PRR5L: variants seen among roughly 807,000 people sequenced by gnomAD.
The protein encoded by PRR5L is proline rich 5 like.
PRR5L carries 21 observed loss-of-function variants against 36.4 expected under a neutral mutation model. That is an observed-to-expected ratio of 0.58 (90% CI 0.41 to 0.83). The LOEUF (loss-of-function observed/expected upper bound fraction) is 0.83, where lower values mean the gene tolerates loss of function less well. Ranked by LOEUF, PRR5L falls within the 40% of genes least tolerant of loss-of-function variation. PRR5L has a pLI of 0.00. For synonymous variants in PRR5L, 188 were observed against 197.0 expected (o/e 0.95, Z 0.38); for missense variants, 381 against 473.3 (o/e 0.80, Z 1.81).
At chr11:36,452,077 TATA>T (rs1252758492) in intron 8 of PRR5L, among the ~76,000 whole-genome samples, 1 of 152,020 alleles carries the variant, frequency 6.6e-6, no homozygotes, top group South Asian at 2.1e-4. Flanking sequence ...TTCCAATAAT[TATA>T]ATAATAAAAA....
At chr11:36,453,211 C>G (rs1858980495) in intron 8 of PRR5L, among the ~76,000 whole-genome samples, 1 of 152,202 alleles carries the variant, frequency 6.6e-6, no homozygotes, top group Non-Finnish European at 1.5e-5. Context: ...CTTTATACAT[C>G]TATATCCTGC....
chr11:36,313,158 C>G (rs932107487), intron 1 of PRR5L, among the ~76,000 whole-genome samples: 9 of 152,240 alleles, frequency 5.9e-5, no homozygotes. Context: ...CTAATAGGAA[C>G]CCCCTCACCG....
Position 36,462,363 on chromosome 11 carries a change from G to A in PRR5L, c.734G>A (p.Arg245Gln), listed in dbSNP as rs150643262. 9.9e-6 allele frequency: 15 copies of A among 1,511,710 alleles called. No homozygotes were observed. Among genetic ancestry groups the A allele is most frequent in the African/African-American group, 8.4e-5 (6 of 71,818 alleles). 93.6% of individuals were successfully genotyped at this position (1,511,710 alleles called of 1,614,324 possible). ...GCAGCCAGGCGGCACTCCAGGGTCCGGCCCAAGGTGACTGTCCTGAACTAT... is the reference window on the plus strand; with the variant it reads ...GCAGCCAGGCGGCACTCCAGGGTCCAGCCCAAGGTGACTGTCCTGAACTAT... ...YTLARRHSRV[R>Q]PKVTVLNYAS... The change falls in exon 9 of 9, where the codon CGG (arginine) becomes CAG (glutamine). Residue 245 changes from arginine to glutamine, a missense_variant. Arg to Gln is a conservative substitution (Grantham distance 43). Transcript: ENST00000530639.
intron 5 of PRR5L, among the ~76,000 whole-genome samples, chr11:36,434,237 C>G (rs1336853587): frequency 6.6e-6 from 1 of 152,130 alleles, no homozygotes; most frequent in African/African-American, 2.4e-5. Flanking sequence ...GGTGTTGGGG[C>G]CTGTTCTGTA....
chr11:36,405,742 C>A (rs6484847), intron 3 of PRR5L, among the ~76,000 whole-genome samples: 3 of 152,026 alleles, frequency 2.0e-5, no homozygotes, highest in Non-Finnish European at 4.4e-5. Context: ...TTCTCAATGT[C>A]CTGGAGGCTG....
chr11:36,363,522 G>C (rs1406469933), intron 1 of PRR5L, among the ~76,000 whole-genome samples: 2 of 152,136 alleles, frequency 1.3e-5, no homozygotes, highest in African/African-American at 2.4e-5. Flanking sequence ...GATAATAAAT[G>C]ACCTGACTCT....
chr11:36,404,642 C>G (rs1269238320), intron 3 of PRR5L, among the ~76,000 whole-genome samples: 3 of 152,032 alleles, frequency 2.0e-5, no homozygotes, highest in African/African-American at 7.2e-5. Context: ...GCTAAAGACC[C>G]AACCCTGGAG....
At chr11:36,342,344 C>A (rs1466038) in intron 1 of PRR5L, among the ~76,000 whole-genome samples, 1 of 151,896 alleles carries the variant, frequency 6.6e-6, no homozygotes, top group Non-Finnish European at 1.5e-5. Context: ...CAGACGGGGG[C>A]GAAATATGCC....
At chr11:36,378,445 A>G (rs375051616) in intron 1 of PRR5L, among the ~76,000 whole-genome samples, 1 of 152,164 alleles carries the variant, frequency 6.6e-6, no homozygotes, top group Non-Finnish European at 1.5e-5. Context: ...AGTTTTTCCA[A>G]CTGCAACCAT....
At chr11:36,418,862 A>C (rs1858204359) in intron 3 of PRR5L, among the ~76,000 whole-genome samples, 1 of 152,164 alleles carries the variant, frequency 6.6e-6, no homozygotes, top group Non-Finnish European at 1.5e-5. Context: ...TCCTTAGTTG[A>C]AGAATGTATG....
At chr11:36,388,925 T>G (rs1379112931) in intron 1 of PRR5L, among the ~76,000 whole-genome samples, 1 of 152,086 alleles carries the variant, frequency 6.6e-6, no homozygotes, top group Non-Finnish European at 1.5e-5. Flanking sequence ...GGTCTGGATC[T>G]CCTGACCTCG....
chr11:36,404,638 G>T (rs148217760), intron 3 of PRR5L, among the ~76,000 whole-genome samples: 1 of 152,146 alleles, frequency 6.6e-6, no homozygotes, highest in East Asian at 1.9e-4. Flanking sequence ...CAAGGCTAAA[G>T]ACCCAACCCT....
intron 1 of PRR5L, among the ~76,000 whole-genome samples, chr11:36,397,881 T>C (rs4756309): frequency 0.17 from 25,713 of 151,844 alleles, 3,433 homozygotes; most frequent in African/African-American, 0.37. Flanking sequence ...CCGCAACCTC[T>C]GCCTCTCAGG....
intron 5 of PRR5L, among the ~76,000 whole-genome samples, chr11:36,436,178 A>G (rs976266111): frequency 1.3e-5 from 2 of 152,186 alleles, no homozygotes; most frequent in Non-Finnish European, 2.9e-5. Context: ...AAATTAATAG[A>G]CGGGAGGCGC....
intron 1 of PRR5L, among the ~76,000 whole-genome samples, chr11:36,317,684 T>C (rs932938289): frequency 1.4e-4 from 22 of 152,214 alleles, no homozygotes; most frequent in African/African-American, 5.1e-4. Context: ...AAAATGGCTA[T>C]ACCTATTTGC....
chr11:36,426,582 G>A (rs1432861334), intron 4 of PRR5L, among the ~76,000 whole-genome samples: 1 of 152,200 alleles, frequency 6.6e-6, no homozygotes, highest in African/African-American at 2.4e-5. Context: ...AAAGATATGG[G>A]CTTTGGATTC....
chr11:36,378,300 T>C (rs1857312575), intron 1 of PRR5L, among the ~76,000 whole-genome samples: 1 of 152,198 alleles, frequency 6.6e-6, no homozygotes, highest in Non-Finnish European at 1.5e-5. Context: ...CTCCTGTCTG[T>C]GGAACCTGGC....
At chr11:36,351,572 TATATAA>T (rs1344647544) in intron 1 of PRR5L, among the ~76,000 whole-genome samples, 1,367 of 31,220 alleles carry the variant, frequency 0.044, 453 homozygotes, top group African/African-American at 0.16. Flanking sequence ...TTTATATATT[TATATAA>T]ATATATATTT....
rs571388361 is a variant in PRR5L at position 36,452,422 on chromosome 11, A to G, written c.712+1087A>G. Among the ~76,000 whole-genome samples the G allele has an allele frequency of 3.3e-3, 496 of 152,244 alleles. 1 individual carries two copies. Among genetic ancestry groups the G allele is most frequent in the Non-Finnish European group, 5.4e-3 (370 of 68,004 alleles). On this transcript the variant is annotated intron_variant, in intron 8 of 8. Transcript: ENST00000530639. Reference sequence around the variant, plus strand: ...GAGCCAGGGCCAGCTGGCAGTTTTCACCACCCTGCTCATGTTTTTCTGGAG... The same window carrying G: ...GAGCCAGGGCCAGCTGGCAGTTTTCGCCACCCTGCTCATGTTTTTCTGGAG...
Sources: gnomAD v4.1 joint callset for allele counts (sites outside exome capture counted in the v4.1 genomes callset) on GRCh38, gnomAD v4.1.1 for gene constraint, MANE v1.5 for transcripts, NCBI Gene and HGNC (gene_info 2026-07-23, HGNC 2026-07-21) for gene names.